Variants in CDK14 observed in about 807,000 individuals in gnomAD.
CDK14 encodes cyclin dependent kinase 14.
A neutral mutation model predicts 60.7 loss-of-function variants in CDK14; 34 were observed. That is an observed-to-expected ratio of 0.56 (90% confidence interval 0.43 to 0.75). The LOEUF (loss-of-function observed/expected upper bound fraction) is 0.75, where lower values mean the gene tolerates loss of function less well. Among genes scored for constraint, CDK14 ranks in the 30% least tolerant of loss-of-function variants. CDK14 has a pLI of 0.00. For synonymous variants in CDK14, 197 were observed against 203.7 expected (o/e 0.97, Z 0.28); for missense variants, 482 against 564.1 (o/e 0.85, Z 1.47).
intron 4 of CDK14, among the ~76,000 whole-genome samples, chr7:90,784,397 T>C (rs1281182259): frequency 1.3e-5 from 2 of 152,156 alleles, no homozygotes; most frequent in East Asian, 3.8e-4. Context: ...TATTTCAAAA[T>C]AGCTGGAGGA....
intron 8 of CDK14, among the ~76,000 whole-genome samples, chr7:90,926,804 C>T (rs774019877): frequency 6.6e-6 from 1 of 152,160 alleles, no homozygotes; most frequent in Non-Finnish European, 1.5e-5. Context: ...GCTTTGAATG[C>T]CAGTTGCAAG....
chr7:90,780,285 A>G (rs1165329424), intron 4 of CDK14, among the ~76,000 whole-genome samples: 1 of 152,140 alleles, frequency 6.6e-6, no homozygotes, highest in Non-Finnish European at 1.5e-5. Context: ...TATGAAAGGG[A>G]AGGAAAATGT....
rs532931021 is a variant in CDK14, at chr7:90,951,642, C to A, written c.827-4055C>A. On this transcript the variant is annotated intron_variant, in intron 8 of 14. Transcript: ENST00000380050. ...TACCACCTACAAAAAAAAGGATGCA[C>A]TGGAATTTGAAGGAATAATTAAATG... 1.4e-4 allele frequency among the ~76,000 whole-genome samples: 22 copies of A among 152,252 alleles called. No homozygotes were observed. The South Asian group carries it at 4.1e-3, about 29-fold the overall frequency.
At chr7:91,148,099 G>A (rs1452785084) in intron 14 of CDK14, among the ~76,000 whole-genome samples, 1 of 152,204 alleles carries the variant, frequency 6.6e-6, no homozygotes, top group East Asian at 1.9e-4. Context: ...TGCAGGCCAG[G>A]TGTGGTGATT....
intron 9 of CDK14, among the ~76,000 whole-genome samples, chr7:90,968,827 C>A (rs77910654): frequency 2.8e-4 from 41 of 148,266 alleles, no homozygotes; most frequent in East Asian, 6.0e-4. Flanking sequence ...TAACAGAAAA[C>A]AAAAAAAAAA....
intron 12 of CDK14, among the ~76,000 whole-genome samples, chr7:91,094,823 ATCAGACTACCCT>A (rs1798933946): frequency 6.6e-6 from 1 of 152,198 alleles, no homozygotes; most frequent in Admixed American, 6.5e-5. Context: ...TATGCTCTCC[ATCAGACTACCCT>A]TCATTAGCAC....
chr7:90,612,357 G>T (rs1377826466), intron 2 of CDK14, among the ~76,000 whole-genome samples: 2 of 152,030 alleles, frequency 1.3e-5, no homozygotes, highest in African/African-American at 4.8e-5. Context: ...TGTCAGGCTG[G>T]ATATGGTCTC....
At chr7:90,726,187 G>C in intron 2 of CDK14, 1 of 273,228 alleles carries the variant, frequency 3.7e-6, no homozygotes, top group Non-Finnish European at 5.6e-6. Context: ...CATCTGATTT[G>C]CCTATTTTTT....
In CDK14 at chr7:90,749,622, G is replaced by T. The variant is rs184878496; in HGVS notation, c.464+1847G>T. Among the ~76,000 whole-genome samples the T allele has an allele frequency of 4.6e-5, 7 of 152,302 alleles. No homozygotes were observed. The East Asian group carries it at 1.4e-3, about 29-fold the overall frequency. On this transcript the variant is annotated intron_variant, in intron 4 of 14. Transcript: ENST00000380050. ...TCACCCTTTCTACACAAAAACTCTG[G>T]TGTAGCAGGTTCCTCTCTCCTCCAT...
intron 4 of CDK14, among the ~76,000 whole-genome samples, chr7:90,749,158 T>G (rs1584853991): frequency 6.6e-6 from 1 of 152,260 alleles, no homozygotes; most frequent in Middle Eastern, 3.4e-3. Context: ...AAAAAAAAGT[T>G]TGTAAAAATG....
intron 14 of CDK14, among the ~76,000 whole-genome samples, chr7:91,147,069 C>T (rs2115658415): frequency 6.6e-6 from 1 of 151,890 alleles, no homozygotes; most frequent in South Asian, 2.1e-4. Flanking sequence ...GCTTCATCAG[C>T]ATCGTCTGAT....
intron 5 of CDK14, among the ~76,000 whole-genome samples, chr7:90,811,229 A>G (rs1234568186): frequency 3.9e-5 from 6 of 152,196 alleles, no homozygotes; most frequent in African/African-American, 1.2e-4. Flanking sequence ...CTACAAGGCT[A>G]CAGTAACCAA....
chr7:90,884,407 A>G (rs1791875090), intron 6 of CDK14, among the ~76,000 whole-genome samples: 1 of 152,190 alleles, frequency 6.6e-6, no homozygotes, highest in Admixed American at 6.5e-5. Context: ...AAGGGGAACT[A>G]CAAACCATTG....
chr7:91,152,812 A>G (rs942720182), intron 14 of CDK14, among the ~76,000 whole-genome samples: 5 of 152,220 alleles, frequency 3.3e-5, no homozygotes, highest in Non-Finnish European at 7.3e-5. Context: ...AAACTCTAGC[A>G]CATAAATGTG....
intron 8 of CDK14, among the ~76,000 whole-genome samples, chr7:90,923,430 T>G (rs367598695): frequency 3.9e-5 from 6 of 152,136 alleles, no homozygotes; most frequent in East Asian, 1.9e-4. Flanking sequence ...TAAAAACTCA[T>G]ATAGTTTTTT....
At chr7:90,640,399 A>G (rs935685988) in intron 2 of CDK14, among the ~76,000 whole-genome samples, 2 of 152,186 alleles carry the variant, frequency 1.3e-5, no homozygotes, top group Non-Finnish European at 2.9e-5. Flanking sequence ...TAGCCATTTA[A>G]AAATTTTAAA....
chr7:91,207,901 G>A lies in CDK14; in HGVS notation c.*765G>A, dbSNP rs11771034. The A allele has an allele frequency of 0.14, 21,561 of 152,572 alleles. 1,653 individuals are homozygous for A. Among genetic ancestry groups the A allele is most frequent in the East Asian group, 0.29 (1,479 of 5,162 alleles). The allele number at this position is 152,572 out of a possible 1,614,324, so 9.5% of individuals were successfully genotyped here. On this transcript the variant is annotated 3_prime_UTR_variant, in exon 15 of 15. Transcript: ENST00000380050. The stretch of plus-strand genomic sequence containing the variant: ...ATAAATTGCTTACATTTCAACCTCT[G>A]GAGATTGAGGTAACTTTTTGTGTCT...
intron 9 of CDK14, among the ~76,000 whole-genome samples, chr7:90,956,285 A>T (rs955492261): frequency 2.6e-5 from 4 of 152,224 alleles, no homozygotes; most frequent in African/African-American, 4.8e-5. Flanking sequence ...CCAAAATGAA[A>T]TAAAATGACT....
At chr7:90,687,642 G>T (rs913667303) in intron 2 of CDK14, among the ~76,000 whole-genome samples, 1 of 152,018 alleles carries the variant, frequency 6.6e-6, no homozygotes, top group Non-Finnish European at 1.5e-5. Context: ...TTTTCAGAGG[G>T]TCTTGAAAAC....
Sources: allele counts gnomAD v4.1 joint callset (sites outside exome capture counted in the v4.1 genomes callset), GRCh38; gene constraint gnomAD v4.1.1; transcripts MANE v1.5; gene names NCBI Gene and HGNC (gene_info 2026-07-23, HGNC 2026-07-21).